KIAA0232: variants seen among roughly 807,000 people sequenced by gnomAD.
The protein encoded by KIAA0232 is uncharacterized protein KIAA0232.
In KIAA0232, 27 loss-of-function variants were observed where a neutral mutation model predicts 122.0. That is an observed-to-expected ratio of 0.22 (90% CI 0.16 to 0.31). The LOEUF (loss-of-function observed/expected upper bound fraction) is 0.31. KIAA0232 is among the 10% of genes least tolerant of loss of function. KIAA0232 has a pLI of 1.00. For missense variants in KIAA0232, 1,551 were observed against 1,634.2 expected, an observed-to-expected ratio of 0.95 and a Z score of 0.88; for synonymous variants, 613 against 587.6, an observed-to-expected ratio of 1.04 and a Z score of -0.63.
intron 9 of KIAA0232, among the ~76,000 whole-genome samples, chr4:6,879,049 C>T (rs924003064): frequency 7.9e-5 from 12 of 152,162 alleles, no homozygotes; most frequent in Non-Finnish European, 1.0e-4. Context: ...GACCGTTCCC[C>T]GCTGTCAGCC....
intron 2 of KIAA0232, among the ~76,000 whole-genome samples, chr4:6,813,186 A>G (rs1415278460): frequency 6.6e-6 from 1 of 152,170 alleles, no homozygotes; most frequent in Non-Finnish European, 1.5e-5. Context: ...GAACATTATT[A>G]CATAAGGGAT....
rs185349244 is a variant in KIAA0232 at position 6,855,404 on chromosome 4, A to G, written c.370-1760A>G. Among the ~76,000 whole-genome samples the G allele has an allele frequency of 3.4e-4, 52 of 152,240 alleles. No homozygotes were observed. The highest frequency in any genetic ancestry group is 1.0e-3 in the African/African-American group (42 of 41,546). On this transcript the variant is annotated intron_variant, in intron 4 of 9. Coordinates refer to ENST00000307659, the MANE Select transcript of KIAA0232 (RefSeq NM_014743.3). This position sits in a 1 kb window ranked among gnomAD's most constrained non-coding sequence, Gnocchi z 4.3. ...CGCCCAGCTGATTTTTTAAAAAAAT[A>G]TATAAGATGCTACAGGTAGTCAAGA...
At chr4:6,860,106 C>T (rs1054640463) in intron 6 of KIAA0232, among the ~76,000 whole-genome samples, 1 of 152,208 alleles carries the variant, frequency 6.6e-6, no homozygotes, top group South Asian at 2.1e-4. Context: ...CCGACATCCT[C>T]TTTCTGAATA....
chr4:6,858,436 C>G lies in KIAA0232; in HGVS notation c.448C>G (p.His150Asp), dbSNP rs777659873. The G allele has an allele frequency of 5.6e-6, 9 of 1,597,496 alleles. No homozygotes were observed. The highest frequency in any genetic ancestry group is 3.3e-4 in the Middle Eastern group (2 of 6,010). Reference protein sequence around the residue: ...DLQSKQEEKIHKKLEGSPSPE... With the variant: ...DLQSKQEEKIDKKLEGSPSPE... ...TTGTTTCATAACAGAAGAGAAGATT[C>G]ACAAAAAGTTAGAGGGGTCTCCCTC... The change falls in exon 6 of 10, where the codon CAC becomes GAC. Residue 150 changes from histidine to aspartate, a missense_variant. This residue lies in a region of KIAA0232 where 377 missense variants were observed against 381.7 expected (regional missense o/e 0.99). Coordinates refer to ENST00000307659, the MANE Select transcript of KIAA0232 (RefSeq NM_014743.3).
chr4:6,849,707 G>A (rs1003199889), intron 4 of KIAA0232, among the ~76,000 whole-genome samples: 4 of 152,044 alleles, frequency 2.6e-5, no homozygotes, highest in Admixed American at 2.0e-4. Flanking sequence ...TGAACCAGGC[G>A]GTGGAGCCAA....
intron 9 of KIAA0232, among the ~76,000 whole-genome samples, chr4:6,877,687 C>A (rs928122165): frequency 6.6e-6 from 1 of 152,088 alleles, no homozygotes; most frequent in African/African-American, 2.4e-5. Context: ...CTAGTCTTTT[C>A]ACATTTTTCT....
chr4:6,868,689 C>T (rs1015775601), intron 7 of KIAA0232, among the ~76,000 whole-genome samples: 2 of 152,322 alleles, frequency 1.3e-5, no homozygotes, highest in African/African-American at 2.4e-5. Flanking sequence ...TCATTCTTTT[C>T]ATTCCCAGCC....
At chr4:6,835,382 G>T (rs997760543) in intron 3 of KIAA0232, among the ~76,000 whole-genome samples, 1 of 152,104 alleles carries the variant, frequency 6.6e-6, no homozygotes, top group African/African-American at 2.4e-5. Context: ...ACTCTGTCAA[G>T]GTTTGGTTTC....
intron 3 of KIAA0232, among the ~76,000 whole-genome samples, chr4:6,830,612 G>T (rs1718921141): frequency 6.6e-6 from 1 of 151,852 alleles, no homozygotes; most frequent in South Asian, 2.1e-4. Context: ...TCACCATGTT[G>T]GCCAGGCTGG....
intron 3 of KIAA0232, among the ~76,000 whole-genome samples, chr4:6,827,295 G>C (rs1190025881): frequency 1.3e-5 from 2 of 152,224 alleles, no homozygotes; most frequent in African/African-American, 4.8e-5. Context: ...AAGGGAGGAT[G>C]TACTTACGGT....
chr4:6,861,480 T>C lies in KIAA0232; in HGVS notation c.1098T>C (p.Gly366=). 6.2e-7 allele frequency: 1 copy of C among 1,614,006 alleles called. No homozygotes were observed. Among genetic ancestry groups the C allele is most frequent in the South Asian group, 1.1e-5 (1 of 91,070 alleles). ...SGSVKQLCKR[G]KRPLKEIGRK... The stretch of plus-strand genomic sequence containing the variant: ...CTGTCAAACAGCTGTGCAAGCGGGG[T>C]AAGAGACCTTTAAAAGAAATAGGGA... The change falls in exon 7 of 10, where the codon GGT becomes GGC. Residue 366 remains glycine (G), a synonymous_variant. Coordinates refer to ENST00000307659, the MANE Select transcript of KIAA0232 (RefSeq NM_014743.3).
chr4:6,867,531 G>T (rs74724318), intron 7 of KIAA0232, among the ~76,000 whole-genome samples: 1 of 152,294 alleles, frequency 6.6e-6, no homozygotes, highest in East Asian at 1.9e-4. Context: ...CGTTTCTTTG[G>T]TTGCCAACTT....
chr4:6,824,418 T>C lies in KIAA0232; in HGVS notation c.-36T>C. The C allele has an allele frequency of 2.0e-6, 3 of 1,530,794 alleles. No individual in the cohort carries two copies. Among genetic ancestry groups the C allele is most frequent in the Non-Finnish European group, 2.7e-6 (3 of 1,104,156 alleles). The allele number at this position is 1,530,794 out of a possible 1,614,324, so 94.8% of individuals were successfully genotyped here. ...CCAACAGAATATCAACTGCAGAAAA[T>C]GCTTCACATTTTAAGGATGTCGGCA... On this transcript the variant is annotated 5_prime_UTR_variant, in exon 3 of 10. The change abolishes an upstream ATG in the 5' untranslated region. Transcript: ENST00000307659.
chr4:6,828,115 G>A (rs1251030778), intron 3 of KIAA0232, among the ~76,000 whole-genome samples: 1 of 152,084 alleles, frequency 6.6e-6, no homozygotes, highest in East Asian at 1.9e-4. Context: ...AATGTATTCT[G>A]TTTCTCAGTA....
At chr4:6,836,412 A>G (rs1480059876) in intron 3 of KIAA0232, among the ~76,000 whole-genome samples, 1 of 150,038 alleles carries the variant, frequency 6.7e-6, no homozygotes, top group Non-Finnish European at 1.5e-5. Context: ...TTTGAGTCCT[A>G]ACACTTTCCC....
At chr4:6,841,952 TAA>T (rs1719684732) in intron 3 of KIAA0232, 113 bp from the exon 4 acceptor site, 1 of 1,224,808 alleles carries the variant, frequency 8.2e-7, no homozygotes, top group African/African-American at 1.6e-5. Flanking sequence ...AAGCCGATCC[TAA>T]AACTCGTATG....
chr4:6,863,315 C>G lies in KIAA0232; in HGVS notation c.2933C>G (p.Pro978Arg). 6.2e-7 allele frequency: 1 copy of G among 1,614,148 alleles called. No homozygotes were observed. The highest frequency in any genetic ancestry group is 2.2e-5 in the East Asian group (1 of 44,878). ...TIAGTDVFMT[P>R]GNSFAPGHRQ... ...GCTGGTACAGATGTCTTTATGACCC[C>G]AGGAAACAGTTTTGCTCCTGGGCAC... Residue 978 changes from proline (P) to arginine (R), a missense_variant, in exon 7 of 10, where the codon CCA (proline) becomes CGA (arginine). Pro to Arg is a moderately radical substitution (Grantham distance 103, BLOSUM62 -2). Around this residue, in one of 5 missense-constraint regions of KIAA0232, gnomAD observed 1,108 missense variants for 1,154.8 expected, o/e 0.96. Coordinates refer to ENST00000307659, the MANE Select transcript of KIAA0232 (RefSeq NM_014743.3).
At chr4:6,804,214 A>G (rs527745625) in intron 1 of KIAA0232, among the ~76,000 whole-genome samples, 1 of 152,198 alleles carries the variant, frequency 6.6e-6, no homozygotes, top group African/African-American at 2.4e-5. Context: ...CCTAATACTT[A>G]GCAAATGTTT....
rs115451451 is a variant in KIAA0232 at position 6,787,861 on chromosome 4, C to T, written c.-354+5020C>T. On this transcript the variant is annotated intron_variant, in intron 1 of 9. Transcript: ENST00000307659. ...TCTATTCCATCACACCTGAGGGATACGACAGTTTTGTTGGTAAGGTTATGG... is the reference window on the plus strand; with the variant it reads ...TCTATTCCATCACACCTGAGGGATATGACAGTTTTGTTGGTAAGGTTATGG... Among the ~76,000 whole-genome samples the T allele has an allele frequency of 3.1e-3, 465 of 152,258 alleles. 3 individuals are homozygous for T. Among genetic ancestry groups the T allele is most frequent in the South Asian group, 0.015 (71 of 4,826 alleles).
Sources: allele counts gnomAD v4.1 joint callset (sites outside exome capture counted in the v4.1 genomes callset), GRCh38; gene constraint gnomAD v4.1.1; regional missense constraint gnomAD v4.1.1; non-coding constraint Gnocchi (gnomAD v3.1); transcripts MANE v1.5; gene names NCBI Gene and HGNC (gene_info 2026-07-23, HGNC 2026-07-21).